Variants in RSPH10B2 observed in about 807,000 individuals in gnomAD.
The protein encoded by RSPH10B2 is radial spoke head 10 homolog B2.
In RSPH10B2, 9 loss-of-function variants were observed where a neutral mutation model predicts 49.0. The observed-to-expected ratio is 0.18, with a 90% CI of 0.11 to 0.32. The LOEUF (loss-of-function observed/expected upper bound fraction) is 0.32, where lower values mean the gene tolerates loss of function less well. Among genes scored for constraint, RSPH10B2 ranks in the 10% least tolerant of loss-of-function variants. The pLI is 1.00. For synonymous variants in RSPH10B2, 35 were observed against 210.2 expected (o/e 0.17, Z 7.21); for missense variants, 95 against 589.9 (o/e 0.16, Z 8.69).
At chr7:6,791,760 A>AAAG (rs1782345881) in intron 16 of RSPH10B2, 144 bp from the exon 19 acceptor site, 1 of 166,534 alleles carries the variant, frequency 6.0e-6, no homozygotes, top group Non-Finnish European at 1.1e-5. Context: ...AAAAAAAAAA[A>AAAG]AAAGTCAAAT....
Position 6,780,987 on chromosome 7 carries a change from C to T in RSPH10B2, c.1609+99C>T. On this transcript the variant is annotated intron_variant, in intron 12 of 18. Coordinates refer to ENST00000297186, the Ensembl canonical transcript of RSPH10B2. ...CAGTGGCTCACTCCTGCAATCCCAGCACTTTGGGAGGCCGAGGCAGGAGGA... is the reference window on the plus strand; with the variant it reads ...CAGTGGCTCACTCCTGCAATCCCAGTACTTTGGGAGGCCGAGGCAGGAGGA... The T allele has an allele frequency of 2.3e-6, 3 of 1,280,276 alleles. 1 individual carries two copies. Among genetic ancestry groups the T allele is most frequent in the Non-Finnish European group, 3.1e-6 (3 of 978,950 alleles). 79.3% of individuals were successfully genotyped at this position (1,280,276 alleles called of 1,614,324 possible).
intron 17 of RSPH10B2, among the ~76,000 whole-genome samples, chr7:6,795,373 C>T (rs2115085949): frequency 5.9e-5 from 1 of 16,934 alleles, no homozygotes; most frequent in African/African-American, 2.1e-4. Flanking sequence ...GAGAGTAACC[C>T]GTTGTCTAGT....
intron 17 of RSPH10B2, among the ~76,000 whole-genome samples, chr7:6,793,798 C>A (rs1387521652): frequency 1.4e-5 from 2 of 146,244 alleles, no homozygotes; most frequent in Admixed American, 7.1e-5. Context: ...GAGCTGAGAC[C>A]ATGCCATTGC....
At chr7:6,797,608 C>T (rs1231942516) in intron 18 of RSPH10B2, among the ~76,000 whole-genome samples, 2 of 152,284 alleles carry the variant, frequency 1.3e-5, no homozygotes, top group African/African-American at 4.8e-5. Flanking sequence ...TGCCGGTAAC[C>T]CCAGCATTTT....
At chr7:6,769,658 A>G (rs2692565) in intron 7 of RSPH10B2, among the ~76,000 whole-genome samples, 3,210 of 95,966 alleles carry the variant, frequency 0.033, 80 homozygotes, top group African/African-American at 0.041. Context: ...GCATGATCTC[A>G]GCTCGCTGCA....
At chr7:6,770,543 G>A (rs1253699369) in intron 7 of RSPH10B2, among the ~76,000 whole-genome samples, 10 of 119,350 alleles carry the variant, frequency 8.4e-5, no homozygotes, top group Admixed American at 4.1e-4. Flanking sequence ...CCCAGGAGGC[G>A]GAGGTTGCAG....
rs1320976918 is a variant in RSPH10B2, at chr7:6,792,832, G to A, written c.2233+835G>A. Among the ~76,000 whole-genome samples, 61 of 116,262 alleles carry A rather than the reference G, an allele frequency of 5.2e-4. 11 individuals carry two copies. The highest frequency in any genetic ancestry group is 1.8e-3 in the African/African-American group (53 of 29,560). The allele number at this position is 116,262 out of a possible 152,430, so 76.3% of individuals were successfully genotyped here. A position where few individuals can be genotyped will look rare whatever the true frequency, so the allele number is the denominator to read the frequency against. Reference sequence around the variant, plus strand: ...TTCTTGCCCAGGCTAGAGTGCAGTGGTGCCATCATAGCTCACTGCAACCTC... The same window carrying A: ...TTCTTGCCCAGGCTAGAGTGCAGTGATGCCATCATAGCTCACTGCAACCTC... On this transcript the variant is annotated intron_variant, in intron 17 of 18. Transcript: ENST00000297186.
chr7:6,797,256 G>A, intron 18 of RSPH10B2, among the ~76,000 whole-genome samples: 1 of 142,980 alleles, frequency 7.0e-6, no homozygotes, highest in East Asian at 2.0e-4. Flanking sequence ...TGATCTGCCA[G>A]CCTTGGCCTC....
rs1295644012 is a variant in RSPH10B2, at chr7:6,767,055, C to G, written c.780+178C>G. On this transcript the variant is annotated intron_variant, in intron 6 of 18. Transcript: ENST00000297186. ...TCTTGGCTCACTGCAGCCTCCACCT[C>G]CCGGGTTCAAGCAATTCTCCTGCCT... 2.3e-5 allele frequency among the ~76,000 whole-genome samples: 2 copies of G among 86,974 alleles called. 1 individual carries two copies. The highest frequency in any genetic ancestry group is 5.1e-5 in the Non-Finnish European group (2 of 39,342). 57.1% of individuals were successfully genotyped at this position (86,974 alleles called of 152,430 possible).
At chr7:6,774,747 TTTTTTTTG>T (rs1781706470) in intron 9 of RSPH10B2, among the ~76,000 whole-genome samples, 2 of 86,090 alleles carry the variant, frequency 2.3e-5, no homozygotes, top group South Asian at 6.0e-4. Context: ...TATATTATCT[TTTTTTTTG>T]TTTTTTTTTT....
intron 7 of RSPH10B2, among the ~76,000 whole-genome samples, chr7:6,770,699 A>C (rs1781605554): frequency 6.6e-6 from 1 of 150,396 alleles, no homozygotes; most frequent in African/African-American, 2.5e-5. Flanking sequence ...AGGTCAGGAG[A>C]TCGAGACCAT....
chr7:6,785,431 G>C (rs1316783510), intron 13 of RSPH10B2, among the ~76,000 whole-genome samples: 2 of 152,418 alleles, frequency 1.3e-5, no homozygotes, highest in Admixed American at 6.5e-5. Flanking sequence ...TCCCACGTCG[G>C]CCTCACAAGG....
chr7:6,791,693 G>T (rs1287466721), intron 16 of RSPH10B2, among the ~76,000 whole-genome samples: 1 of 139,028 alleles, frequency 7.2e-6, no homozygotes, highest in Non-Finnish European at 1.5e-5. Context: ...GCAGTGAGCC[G>T]AGATCGCGCC....
At chr7:6,768,048 C>T (rs1230678797) in intron 6 of RSPH10B2, among the ~76,000 whole-genome samples, 5 of 148,356 alleles carry the variant, frequency 3.4e-5, no homozygotes, top group East Asian at 1.9e-4. Flanking sequence ...AAAAATTAGC[C>T]GGGAGTGGTC....
At chr7:6,783,856 T>TATTA (rs1261466445) in intron 13 of RSPH10B2, among the ~76,000 whole-genome samples, 1 of 143,508 alleles carries the variant, frequency 7.0e-6, no homozygotes, top group African/African-American at 2.6e-5. Flanking sequence ...TTATTATTAT[T>TATTA]TTGACAGTCT....
At chr7:6,757,875 G>A (rs902087954) in exon 1 of RSPH10B2, 1 of 1,564,712 alleles carries the variant, frequency 6.4e-7, no homozygotes, top group Non-Finnish European at 8.6e-7. Context: ...ACGTTCAGCA[G>A]AACGAAGATG....
rs1455887188 is a variant in RSPH10B2, at chr7:6,769,469, C to T, written c.957+703C>T. 7.3e-5 allele frequency among the ~76,000 whole-genome samples: 4 copies of T among 54,632 alleles called. 1 individual carries two copies. Among genetic ancestry groups the T allele is most frequent in the East Asian group, 3.0e-4 (1 of 3,370 alleles). 35.8% of individuals were successfully genotyped at this position (54,632 alleles called of 152,430 possible). ...GGCATTAAGCACATGCGCATTGTTG[C>T]GCAACCATCACCATCCATCTACAGA... On this transcript the variant is annotated intron_variant, in intron 7 of 18. Coordinates refer to ENST00000297186, the Ensembl canonical transcript of RSPH10B2.
intron 17 of RSPH10B2, among the ~76,000 whole-genome samples, chr7:6,793,063 AT>A (rs778318872): frequency 0.01 from 650 of 64,804 alleles, 60 homozygotes; most frequent in Middle Eastern, 0.05. Context: ...GCCCCTGGGC[AT>A]TTTTTTTTTT....
At position 6,783,884 on chromosome 7, in the gene RSPH10B2, T is replaced by A. The variant is rs1454798722; in HGVS notation, c.1759-2065T>A. On this transcript the variant is annotated intron_variant, in intron 13 of 18. Transcript: ENST00000297186. ...GACAGTCTTGCTCTGTCGCCCAGGC[T>A]GGAGTGCAGCGACCTGATCTTGGCT... 4.2e-5 allele frequency among the ~76,000 whole-genome samples: 6 copies of A among 142,196 alleles called. No individual in the cohort carries two copies. The East Asian group carries it at 1.2e-3, about 29-fold the overall frequency. 93.3% of individuals were successfully genotyped at this position (142,196 alleles called of 152,430 possible). A position where few individuals can be genotyped will look rare whatever the true frequency, so the allele number is the denominator to read the frequency against.
Sources: allele counts gnomAD v4.1 joint callset (sites outside exome capture counted in the v4.1 genomes callset), GRCh38; gene constraint gnomAD v4.1.1; transcripts MANE v1.5; gene names NCBI Gene and HGNC (gene_info 2026-07-23, HGNC 2026-07-21).